EMC2: variants seen among roughly 807,000 people sequenced by gnomAD.
The protein encoded by EMC2 is TPR repeat protein 35.
A neutral mutation model predicts 51.6 loss-of-function variants in EMC2; 37 were observed. The observed-to-expected ratio is 0.72, with a 90% confidence interval of 0.55 to 0.94. The LOEUF (loss-of-function observed/expected upper bound fraction) is 0.94. Ranked by LOEUF, EMC2 falls within the 40% of genes least tolerant of loss-of-function variation. EMC2 has a pLI of 0.00. For missense variants in EMC2, 359 were observed against 350.9 expected (o/e 1.02, Z -0.18); for synonymous variants, 131 against 112.4 (o/e 1.17, Z -1.04).
chr8:108,460,375 A>G (rs1432087372), intron 5 of EMC2, among the ~76,000 whole-genome samples: 1 of 152,206 alleles, frequency 6.6e-6, no homozygotes, highest in Admixed American at 6.5e-5. Context: ...GAGAAATCCA[A>G]ATGGTTCCCC....
intron 5 of EMC2, among the ~76,000 whole-genome samples, chr8:108,468,219 C>T (rs1217779494): frequency 6.6e-6 from 1 of 152,108 alleles, no homozygotes; most frequent in Non-Finnish European, 1.5e-5. Context: ...GGACAATGCT[C>T]CCATTTTAAG....
Position 108,449,940 on chromosome 8 carries a change from A to C in EMC2, c.154+4A>C. 1 of 1,395,222 alleles carries C rather than the reference A, an allele frequency of 7.2e-7. No individual in the cohort carries two copies. Among genetic ancestry groups the C allele is most frequent in the Non-Finnish European group, 1.0e-6 (1 of 988,606 alleles). The allele number at this position is 1,395,222 out of a possible 1,614,324, so 86.4% of individuals were successfully genotyped here. ...GCTTCTAAGCTGGGAGATGATAGTA[A>C]GTTCTTTTATTACATTCAGGCTCAG... On this transcript the variant is annotated splice_donor_region_variant and intron_variant, in intron 2 of 10. Transcript: ENST00000220853.
chr8:108,486,784 GA>G lies in EMC2; in HGVS notation c.*189del. ...TTTACTGCTAAGTGGGGAGATGGGG[GA>G]AATCCATGGAAGAGAGATTTAAGAC... On this transcript the variant is annotated 3_prime_UTR_variant, in exon 11 of 11. Transcript: ENST00000220853. 1 of 478,752 alleles carries G rather than the reference GA, an allele frequency of 2.1e-6. No homozygotes were observed. The allele number at this position is 478,752 out of a possible 1,614,324, so 29.7% of individuals were successfully genotyped here.
intron 9 of EMC2, among the ~76,000 whole-genome samples, 153 bp downstream of exon 9, chr8:108,477,045 C>T (rs1196310640): frequency 2.0e-5 from 3 of 151,802 alleles, no homozygotes; most frequent in Non-Finnish European, 4.4e-5. Flanking sequence ...GCTTGTGAGC[C>T]AGTTTTCTTT....
At chr8:108,476,130 G>A (rs1810942276) in intron 8 of EMC2, among the ~76,000 whole-genome samples, 167 bp downstream of exon 8, 1 of 151,646 alleles carries the variant, frequency 6.6e-6, no homozygotes, top group African/African-American at 2.4e-5. Context: ...ACATTGCAGT[G>A]GTAATACTGA....
chr8:108,475,080 G>A lies in EMC2; in HGVS notation c.510-802G>A, dbSNP rs1018406173. 2.1e-4 allele frequency: 32 copies of A among 151,922 alleles called. 1 individual carries two copies. Among genetic ancestry groups the A allele is most frequent in the African/African-American group, 2.4e-5 (1 of 41,410 alleles). 9.4% of individuals were successfully genotyped at this position (151,922 alleles called of 1,614,324 possible). On this transcript the variant is annotated intron_variant, in intron 7 of 10. Transcript: ENST00000220853. ...AGGTAGCCTCTTTTTGTTGGGTAGT[G>A]TCATCACTTCCTCACTGGGAAGAAA...
intron 1 of EMC2, among the ~76,000 whole-genome samples, chr8:108,444,569 T>C (rs986163798): frequency 2.6e-5 from 4 of 152,214 alleles, no homozygotes; most frequent in Non-Finnish European, 4.4e-5. Flanking sequence ...ACGAATGCCT[T>C]CTTGGGATGT....
chr8:108,469,000 GCTTT>G (rs1405330700), intron 5 of EMC2, among the ~76,000 whole-genome samples: 2 of 151,958 alleles, frequency 1.3e-5, no homozygotes, highest in African/African-American at 2.4e-5. Context: ...GACCGTCTTT[GCTTT>G]CTGTCTTTCC....
At chr8:108,475,380 A>G (rs532245594) in intron 7 of EMC2, 2 of 152,346 alleles carry the variant, frequency 1.3e-5, no homozygotes, top group African/African-American at 4.8e-5. Flanking sequence ...GGTATTTGAC[A>G]GTGAACTTAA....
chr8:108,447,428 A>G (rs1255996213), intron 1 of EMC2, among the ~76,000 whole-genome samples: 2 of 152,210 alleles, frequency 1.3e-5, no homozygotes, highest in Non-Finnish European at 2.9e-5. Flanking sequence ...TTATGGGACC[A>G]TGAATAATTT....
intron 5 of EMC2, among the ~76,000 whole-genome samples, chr8:108,459,046 A>C (rs1819239966): frequency 6.6e-6 from 1 of 152,172 alleles, no homozygotes; most frequent in Admixed American, 6.5e-5. Flanking sequence ...GGCAGGGGCA[A>C]AATGCCACCA....
intron 5 of EMC2, among the ~76,000 whole-genome samples, chr8:108,456,972 C>A (rs1256205670): frequency 1.3e-5 from 2 of 152,032 alleles, no homozygotes; most frequent in African/African-American, 2.4e-5. Flanking sequence ...CATGAAGTTT[C>A]TCTCTTATTT....
chr8:108,486,060 T>C (rs3779920), intron 10 of EMC2, among the ~76,000 whole-genome samples: 103,766 of 151,682 alleles, frequency 0.68, 36,069 homozygotes, highest in African/African-American at 0.81. Flanking sequence ...AACTTTAAAA[T>C]GTTTAGTGAA....
At chr8:108,457,277 T>A (rs1819188427) in intron 5 of EMC2, among the ~76,000 whole-genome samples, 1 of 152,022 alleles carries the variant, frequency 6.6e-6, no homozygotes, top group South Asian at 2.1e-4. Context: ...AGGGTTTTTG[T>A]TTTTCTTTTT....
chr8:108,447,797 C>T (rs1818914036), intron 1 of EMC2, among the ~76,000 whole-genome samples: 1 of 152,028 alleles, frequency 6.6e-6, no homozygotes, highest in Non-Finnish European at 1.5e-5. Context: ...AATAAAATGA[C>T]CTTGGCTTTG....
chr8:108,473,302 T>C lies in EMC2; in HGVS notation c.510-2580T>C, dbSNP rs189463545. On this transcript the variant is annotated intron_variant, in intron 7 of 10. Coordinates refer to ENST00000220853, the MANE Select transcript of EMC2 (RefSeq NM_014673.5). ...TATTATAGGTTAAGTATCCATAACC[T>C]GAAAATCTGAAATCCACAATACTCC... Among the ~76,000 whole-genome samples, 856 of 152,142 alleles carry C rather than the reference T, an allele frequency of 5.6e-3. 5 individuals are homozygous for C. The highest frequency in any genetic ancestry group is 0.018 in the South Asian group (88 of 4,828).
intron 10 of EMC2, among the ~76,000 whole-genome samples, chr8:108,485,566 CACAT>C (rs1253520040): frequency 1.1e-4 from 15 of 140,838 alleles, no homozygotes; most frequent in Admixed American, 1.5e-4. Flanking sequence ...CACACACACA[CACAT>C]ACACACACAA....
Position 108,487,819 on chromosome 8 carries a change from A to C in EMC2, c.*1221A>C, listed in dbSNP as rs1811170066. 6.6e-6 allele frequency among the ~76,000 whole-genome samples: 1 copy of C among 152,096 alleles called. No individual in the cohort carries two copies. Among genetic ancestry groups the C allele is most frequent in the Admixed American group, 6.5e-5 (1 of 15,268 alleles). ...ATAAATTATTCTCCATATCTAGTCT[A>C]ATCTTTCATATTACAGTCATTTTCG... On this transcript the variant is annotated 3_prime_UTR_variant, in exon 11 of 11. Transcript: ENST00000220853.
At position 108,475,797 on chromosome 8, in the gene EMC2, AGTT is replaced by A. The variant is rs374258724; in HGVS notation, c.510-81_510-79del. On this transcript the variant is annotated intron_variant, in intron 7 of 10. Coordinates refer to ENST00000220853, the MANE Select transcript of EMC2 (RefSeq NM_014673.5). The stretch of plus-strand genomic sequence containing the variant: ...GGAATAAATTGTTTAACATGACTAA[AGTT>A]GTTTTTAAATTATTTCAAGGTTTAA... 66 of 709,298 alleles carry A rather than the reference AGTT, an allele frequency of 9.3e-5. No individual in the cohort carries two copies. In the African/African-American group the frequency reaches 1.1e-3, roughly 12 times the overall value. 43.9% of individuals were successfully genotyped at this position (709,298 alleles called of 1,614,324 possible).
Sources: gnomAD v4.1 joint callset for allele counts (sites outside exome capture counted in the v4.1 genomes callset) on GRCh38, gnomAD v4.1.1 for gene constraint, MANE v1.5 for transcripts, NCBI Gene and HGNC (gene_info 2026-07-23, HGNC 2026-07-21) for gene names.